Variants in CEP57 observed in about 807,000 individuals in gnomAD.
CEP57 encodes the protein centrosomal protein of 57 kDa.
In CEP57, 40 loss-of-function variants were observed where a neutral mutation model predicts 68.0. The ratio of observed to expected loss-of-function variants is 0.59; its 90% confidence interval spans 0.46 to 0.77. CEP57 has a LOEUF of 0.77. CEP57 is among the 30% of genes least tolerant of loss of function. The probability of loss-of-function intolerance (pLI) is 0.00; values close to 1 mark genes in which losing one functional copy is unlikely to be tolerated. For missense variants in CEP57, 606 were observed against 580.7 expected (o/e 1.04, Z -0.45); for synonymous variants, 219 against 198.7 (o/e 1.10, Z -0.86).
At chr11:95,820,264 T>C (rs1229366877) in intron 6 of CEP57, among the ~76,000 whole-genome samples, 7 of 152,196 alleles carry the variant, frequency 4.6e-5, no homozygotes, top group Non-Finnish European at 1.0e-4. Flanking sequence ...ATTATTGTAC[T>C]GAAAGAACAA....
In CEP57 at chr11:95,815,470, G is replaced by A. The variant is rs531277206; in HGVS notation, c.504+1881G>A. Among the ~76,000 whole-genome samples the A allele has an allele frequency of 4.0e-4, 60 of 151,416 alleles. 1 individual carries two copies. The highest frequency in any genetic ancestry group is 6.8e-3 in the Middle Eastern group (2 of 292). On this transcript the variant is annotated intron_variant, in intron 4 of 10. Transcript: ENST00000325542. ...TGATGTTTTCAAAGTGTTAATCCTC[G>A]TTTGTTTGGCTTTATTTATTGATTC...
intron 9 of CEP57, 142 bp from the exon 10 acceptor site, chr11:95,829,041 CAAAA>C (rs397729482): frequency 4.1e-5 from 26 of 626,928 alleles, no homozygotes; most frequent in African/African-American, 6.7e-5. Flanking sequence ...GACTCCGTCT[CAAAA>C]AAAAAAAAAA....
chr11:95,792,868 C>A (rs1330163862), intron 1 of CEP57, among the ~76,000 whole-genome samples: 1 of 151,366 alleles, frequency 6.6e-6, no homozygotes, highest in Non-Finnish European at 1.5e-5. Flanking sequence ...TTTCCAACAG[C>A]GTTGGAAAAG....
chr11:95,805,269 T>C (rs1311352302), intron 2 of CEP57, among the ~76,000 whole-genome samples: 4 of 152,222 alleles, frequency 2.6e-5, no homozygotes, highest in Admixed American at 1.3e-4. Context: ...ATTGTACTTA[T>C]CTGATTATTG....
intron 2 of CEP57, among the ~76,000 whole-genome samples, chr11:95,810,580 G>A (rs1430298392): frequency 6.6e-6 from 1 of 152,124 alleles, no homozygotes; most frequent in Non-Finnish European, 1.5e-5. Flanking sequence ...CAAATCATGA[G>A]TGAACTCTCA....
chr11:95,807,189 A>G (rs1488014906), intron 2 of CEP57, among the ~76,000 whole-genome samples: 1 of 152,202 alleles, frequency 6.6e-6, no homozygotes. Context: ...CAAAAAGGAC[A>G]TCCACACCAA....
At chr11:95,808,362 TAAC>T (rs1861902996) in intron 2 of CEP57, among the ~76,000 whole-genome samples, 1 of 151,288 alleles carries the variant, frequency 6.6e-6, no homozygotes, top group African/African-American at 2.4e-5. Context: ...AATTCACACA[TAAC>T]AATATTAACC....
At chr11:95,791,699 A>G (rs540318387) in intron 1 of CEP57, among the ~76,000 whole-genome samples, 2 of 152,312 alleles carry the variant, frequency 1.3e-5, no homozygotes, top group Non-Finnish European at 2.9e-5. Context: ...GGTAGGCTAG[A>G]GAAGGTTTCC....
intron 8 of CEP57, among the ~76,000 whole-genome samples, chr11:95,823,425 A>T (rs1490745815): frequency 5.3e-5 from 8 of 152,076 alleles, no homozygotes; most frequent in Non-Finnish European, 1.0e-4. Flanking sequence ...TGGCAATTTG[A>T]AAAAACTTGC....
intron 10 of CEP57, among the ~76,000 whole-genome samples, chr11:95,829,625 G>GT (rs1269797396): frequency 6.6e-6 from 1 of 152,108 alleles, no homozygotes; most frequent in Admixed American, 6.5e-5. Context: ...ATCCAAGTAA[G>GT]TTTTTTTAAA....
At position 95,831,470 on chromosome 11, in the gene CEP57, G is replaced by A. The variant is rs912803638; in HGVS notation, c.*214G>A. ...AAACCAGGGGAGTTTTAAAGCCCGA[G>A]AAACCACACATAATCTTTTGTTGAG... On this transcript the variant is annotated 3_prime_UTR_variant, in exon 11 of 11. Coordinates refer to ENST00000325542, the MANE Select transcript of CEP57 (RefSeq NM_014679.5). 1 of 461,182 alleles carries A rather than the reference G, an allele frequency of 2.2e-6. No homozygotes were observed. Among genetic ancestry groups the A allele is most frequent in the African/African-American group, 2.0e-5 (1 of 50,566 alleles). The allele number at this position is 461,182 out of a possible 1,614,324, so 28.6% of individuals were successfully genotyped here.
At chr11:95,823,246 C>CTA (rs1862587327) in intron 8 of CEP57, 2 of 152,152 alleles carry the variant, frequency 1.3e-5, no homozygotes, top group Non-Finnish European at 2.9e-5. Flanking sequence ...TTTTAAACCC[C>CTA]TAGTAAATTC....
At chr11:95,804,875 C>A (rs536340606) in intron 2 of CEP57, among the ~76,000 whole-genome samples, 1 of 151,440 alleles carries the variant, frequency 6.6e-6, no homozygotes, top group South Asian at 2.1e-4. Context: ...TGATTTTTTT[C>A]CTTTTCAATC....
intron 2 of CEP57, among the ~76,000 whole-genome samples, chr11:95,807,745 G>T (rs967081632): frequency 3.3e-5 from 5 of 152,192 alleles, no homozygotes; most frequent in African/African-American, 4.8e-5. Context: ...GCCTCTGATT[G>T]GTGTACCTGA....
At chr11:95,801,579 A>G (rs546177346) in intron 2 of CEP57, among the ~76,000 whole-genome samples, 10 of 152,292 alleles carry the variant, frequency 6.6e-5, no homozygotes, top group African/African-American at 2.4e-4. Flanking sequence ...CACAAAATCT[A>G]AGAATTAGAT....
At position 95,813,679 on chromosome 11, in the gene CEP57, A is replaced by G. The variant is rs958324423; in HGVS notation, c.504+90A>G. The G allele has an allele frequency of 5.3e-6, 8 of 1,504,980 alleles. No homozygotes were observed. In the African/African-American group the frequency reaches 5.5e-5, roughly 10 times the overall value. 93.2% of individuals were successfully genotyped at this position (1,504,980 alleles called of 1,614,324 possible). A position where few individuals can be genotyped will look rare whatever the true frequency, so the allele number is the denominator to read the frequency against. On this transcript the variant is annotated intron_variant, in intron 4 of 10. Coordinates refer to ENST00000325542, the MANE Select transcript of CEP57 (RefSeq NM_014679.5). Reference sequence around the variant, plus strand: ...ACTTTTTTTCTTTCGGTGAGGATTAATGGTGCTGTTACAGCCCAGGACTGA... The same window carrying G: ...ACTTTTTTTCTTTCGGTGAGGATTAGTGGTGCTGTTACAGCCCAGGACTGA...
intron 1 of CEP57, among the ~76,000 whole-genome samples, chr11:95,793,397 G>A (rs111888425): frequency 3.1e-4 from 15 of 49,156 alleles, no homozygotes; most frequent in Admixed American, 1.2e-3. Context: ...CTAATCTCTT[G>A]ATTTGTCCCT....
chr11:95,829,462 A>G, intron 10 of CEP57, 131 bp downstream of exon 10: 1 of 962,150 alleles, frequency 1.0e-6, no homozygotes, highest in Non-Finnish European at 1.6e-6. Context: ...TACTGAAGAC[A>G]TTTGTTCATT....
At chr11:95,798,678 G>C (rs1038613693) in intron 1 of CEP57, among the ~76,000 whole-genome samples, 1 of 152,156 alleles carries the variant, frequency 6.6e-6, no homozygotes, top group African/African-American at 2.4e-5. Flanking sequence ...ATGACAGAAT[G>C]GTGTACTGTG....
Sources: allele counts gnomAD v4.1 joint callset (sites outside exome capture counted in the v4.1 genomes callset), GRCh38; gene constraint gnomAD v4.1.1; transcripts MANE v1.5; gene names NCBI Gene and HGNC (gene_info 2026-07-23, HGNC 2026-07-21).